Variants in SERPINI1 observed in about 807,000 individuals in gnomAD.
The protein encoded by SERPINI1 is neuroserpin.
SERPINI1 carries 19 observed loss-of-function variants against 41.1 expected under a neutral mutation model. The observed-to-expected ratio is 0.46, with a 90% CI of 0.32 to 0.68. The LOEUF is 0.68. Ranked by LOEUF, SERPINI1 falls within the 30% of genes least tolerant of loss-of-function variation. SERPINI1 has a pLI of 0.03. For missense variants in SERPINI1, 460 were observed against 479.2 expected (o/e 0.96, Z 0.37); for synonymous variants, 138 against 156.6 (o/e 0.88, Z 0.89).
At chr3:167,801,424 T>G (rs1727894604) in intron 5 of SERPINI1, among the ~76,000 whole-genome samples, 1 of 150,896 alleles carries the variant, frequency 6.6e-6, no homozygotes, top group Non-Finnish European at 1.5e-5. Flanking sequence ...CTACTTCTAA[T>G]TTTTTTTTTA....
At chr3:167,798,497 T>G (rs1184926441) in intron 5 of SERPINI1, among the ~76,000 whole-genome samples, 1 of 152,226 alleles carries the variant, frequency 6.6e-6, no homozygotes, top group Non-Finnish European at 1.5e-5. Context: ...ACTAAATGTT[T>G]GATAATGGTA....
At chr3:167,767,431 A>C (rs1726603553) in intron 1 of SERPINI1, among the ~76,000 whole-genome samples, 1 of 152,226 alleles carries the variant, frequency 6.6e-6, no homozygotes, top group Non-Finnish European at 1.5e-5. Context: ...TGTTGTCTTC[A>C]TGCCTACTAA....
At chr3:167,805,231 A>G (rs1190737997) in intron 5 of SERPINI1, among the ~76,000 whole-genome samples, 2 of 152,168 alleles carry the variant, frequency 1.3e-5, no homozygotes, top group Non-Finnish European at 2.9e-5. Context: ...CTTTTTAATA[A>G]TCACCATTCT....
At chr3:167,815,379 CT>C (rs149219832) in intron 6 of SERPINI1, among the ~76,000 whole-genome samples, 4 of 150,218 alleles carry the variant, frequency 2.7e-5, no homozygotes, top group South Asian at 2.1e-4. Context: ...ATTTCTTTTT[CT>C]TTTTTTTTCT....
At chr3:167,765,405 A>G (rs1726529429) in intron 1 of SERPINI1, among the ~76,000 whole-genome samples, 1 of 152,224 alleles carries the variant, frequency 6.6e-6, no homozygotes, top group African/African-American at 2.4e-5. Context: ...CCACAGCCCA[A>G]GCTCTACATT....
At chr3:167,798,558 A>C (rs993089693) in intron 5 of SERPINI1, among the ~76,000 whole-genome samples, 2 of 152,094 alleles carry the variant, frequency 1.3e-5, no homozygotes, top group Admixed American at 6.5e-5. Flanking sequence ...TTTCATAGCT[A>C]TACTCTGTGT....
At chr3:167,814,740 T>G (rs968359936) in intron 6 of SERPINI1, among the ~76,000 whole-genome samples, 4 of 152,230 alleles carry the variant, frequency 2.6e-5, no homozygotes, top group African/African-American at 9.6e-5. Flanking sequence ...CTTTGTAGTC[T>G]TGCCCTGCTT....
chr3:167,783,606 A>G (rs1470757484), intron 1 of SERPINI1, among the ~76,000 whole-genome samples: 1 of 152,156 alleles, frequency 6.6e-6, no homozygotes, highest in Admixed American at 6.5e-5. Context: ...CCAGGACTAG[A>G]TCTGTGGAGA....
At chr3:167,803,413 C>CTGGAATGCAAA (rs1452348569) in intron 5 of SERPINI1, among the ~76,000 whole-genome samples, 1 of 151,958 alleles carries the variant, frequency 6.6e-6, no homozygotes, top group Admixed American at 6.6e-5. Context: ...ACATACGACA[C>CTGGAATGCAAA]CCTAACATCT....
chr3:167,788,357 T>C (rs1461943126), intron 1 of SERPINI1, among the ~76,000 whole-genome samples: 2 of 152,190 alleles, frequency 1.3e-5, no homozygotes, highest in Non-Finnish European at 2.9e-5. Flanking sequence ...GAAATATTAA[T>C]TTAAATAGAA....
In SERPINI1 at chr3:167,789,168, A is replaced by G. The variant is rs61735307; in HGVS notation, c.40A>G (p.Ser14Gly). ...LGLFSLLVLQ[S>G]MATGATFPEE... ...ACTCTTCTCTTTGCTGGTTCTGCAA[A>G]GTATGGCTACAGGGGCCACTTTCCC... The change falls in exon 2 of 9, where the codon AGT (serine) becomes GGT (glycine). Residue 14 changes from serine to glycine, a missense_variant. Ser to Gly is a moderately conservative substitution (Grantham distance 56). Coordinates refer to ENST00000446050, the MANE Select transcript of SERPINI1 (RefSeq NM_001122752.2). 680 of 1,614,172 alleles carry G rather than the reference A, an allele frequency of 4.2e-4. 6 individuals carry two copies. In the African/African-American group the frequency reaches 8.1e-3, roughly 19 times the overall value.
intron 1 of SERPINI1, among the ~76,000 whole-genome samples, chr3:167,767,935 A>G (rs1413307188): frequency 6.6e-6 from 1 of 152,232 alleles, no homozygotes; most frequent in Admixed American, 6.5e-5. Flanking sequence ...ACTGGTGAAG[A>G]TGCTGTGAAC....
chr3:167,804,305 C>A (rs1711546658), intron 5 of SERPINI1, among the ~76,000 whole-genome samples: 1 of 152,156 alleles, frequency 6.6e-6, no homozygotes, highest in Admixed American at 6.6e-5. Flanking sequence ...CTTTTGTTTA[C>A]CGCCATCATT....
Position 167,789,281 on chromosome 3 carries a change from G to A in SERPINI1, c.153G>A (p.Leu51=), listed in dbSNP as rs748219755. The stretch of plus-strand genomic sequence containing the variant: ...ATGAAAATATTCTCTTCTCTCCATT[G>A]AGTATTGCTCTTGCAATGGGAATGA... ...GEDENILFSP[L]SIALAMGMME... is the part of the protein sequence containing the mutation. Residue 51 remains leucine, a synonymous_variant, in exon 2 of 9, where the codon TTG becomes TTA. Coordinates refer to ENST00000446050, the MANE Select transcript of SERPINI1 (RefSeq NM_001122752.2). The A allele has an allele frequency of 1.6e-5, 26 of 1,614,122 alleles. No individual in the cohort carries two copies. In the South Asian group the frequency reaches 2.9e-4, roughly 18 times the overall value.
chr3:167,753,202 G>A (rs1360966695), intron 1 of SERPINI1, among the ~76,000 whole-genome samples: 3 of 152,064 alleles, frequency 2.0e-5, no homozygotes, highest in Non-Finnish European at 4.4e-5. Context: ...TTTTGGAAAT[G>A]TGGTATGGTT....
At chr3:167,820,452 C>T (rs1428673525) in intron 6 of SERPINI1, among the ~76,000 whole-genome samples, 3 of 152,216 alleles carry the variant, frequency 2.0e-5, no homozygotes, top group African/African-American at 4.8e-5. Context: ...GAAGTGCCTG[C>T]TCCTACTGCC....
At chr3:167,744,209 G>C (rs1270430462) in intron 1 of SERPINI1, among the ~76,000 whole-genome samples, 1 of 151,898 alleles carries the variant, frequency 6.6e-6, no homozygotes, top group African/African-American at 2.4e-5. Flanking sequence ...CTAAACTTTG[G>C]TTTTGTGATA....
chr3:167,795,556 A>C (rs1727683677), intron 5 of SERPINI1, among the ~76,000 whole-genome samples: 2 of 152,120 alleles, frequency 1.3e-5, no homozygotes, highest in African/African-American at 4.8e-5. Context: ...CTTTCCCAAG[A>C]TAGTGTTGCT....
intron 6 of SERPINI1, among the ~76,000 whole-genome samples, chr3:167,820,703 G>A (rs912535369): frequency 9.2e-5 from 14 of 152,186 alleles, no homozygotes; most frequent in African/African-American, 3.1e-4. Flanking sequence ...CAGCCTGGAT[G>A]CCATGGGTAC....
Sources: gnomAD v4.1 joint callset for allele counts (sites outside exome capture counted in the v4.1 genomes callset) on GRCh38, gnomAD v4.1.1 for gene constraint, MANE v1.5 for transcripts, NCBI Gene and HGNC (gene_info 2026-07-23, HGNC 2026-07-21) for gene names.